The following DNAH12 variants were observed in gnomAD, a reference collection of about 807,000 sequenced individuals.
The protein encoded by DNAH12 is dynein axonemal heavy chain 12.
A neutral mutation model predicts 371.5 loss-of-function variants in DNAH12; 285 were observed. That is an observed-to-expected ratio of 0.77 (90% CI 0.70 to 0.85). The LOEUF is 0.85. DNAH12 is among the 40% of genes least tolerant of loss of function. The pLI, the probability that DNAH12 is intolerant of heterozygous loss-of-function variation, is 0.00. For missense variants in DNAH12, 3,611 were observed against 3,689.4 expected (o/e 0.98, Z 0.55); for synonymous variants, 1,200 against 1,213.0 (o/e 0.99, Z 0.22).
intron 25 of DNAH12, among the ~76,000 whole-genome samples, chr3:57,449,863 G>C (rs566969522): frequency 1.3e-5 from 2 of 152,322 alleles, no homozygotes; most frequent in East Asian, 1.9e-4. Context: ...AGGAGGCGCC[G>C]AGAGCAAGCG....
chr3:57,333,526 T>TCA (rs1470428945), intron 62 of DNAH12, among the ~76,000 whole-genome samples: 2 of 152,048 alleles, frequency 1.3e-5, no homozygotes, highest in Non-Finnish European at 2.9e-5. Flanking sequence ...TGACAGGGTT[T>TCA]CACCATCTTG....
intron 69 of DNAH12, among the ~76,000 whole-genome samples, chr3:57,302,567 A>ATTTTTT (rs71088056): frequency 3.6e-5 from 1 of 27,482 alleles, no homozygotes; most frequent in Non-Finnish European, 6.3e-5. Context: ...ATATATATGT[A>ATTTTTT]TTTTTTTTTT....
In DNAH12 at chr3:57,361,411, T is replaced by TATATATATATAC. The variant is rs2062926300; in HGVS notation, c.9360+2182_9360+2183insGTATATATATAT. 9.7e-4 allele frequency among the ~76,000 whole-genome samples: 136 copies of TATATATATATAC among 139,946 alleles called. 1 individual carries two copies. The highest frequency in any genetic ancestry group is 3.8e-3 in the African/African-American group (131 of 34,556). The allele number at this position is 139,946 out of a possible 152,430, so 91.8% of individuals were successfully genotyped here. On this transcript the variant is annotated intron_variant, in intron 58 of 73. Transcript: ENST00000495027. ...TATATACATACGCACTATATATATA[T>TATATATATATAC]ACACACACACTATATATATATACAC...
At chr3:57,413,283 C>T (rs2064262158) in intron 39 of DNAH12, among the ~76,000 whole-genome samples, 2 of 152,080 alleles carry the variant, frequency 1.3e-5, no homozygotes, top group African/African-American at 2.4e-5. Flanking sequence ...TACAAAGGGG[C>T]TGAAGTTGGG....
chr3:57,367,733 TAAC>T (rs1297732313), intron 56 of DNAH12, among the ~76,000 whole-genome samples: 1 of 152,134 alleles, frequency 6.6e-6, no homozygotes, highest in Non-Finnish European at 1.5e-5. Flanking sequence ...TCACTATTCA[TAAC>T]AACAGACTTT....
intron 37 of DNAH12, among the ~76,000 whole-genome samples, chr3:57,418,831 A>G (rs965222761): frequency 1.5e-4 from 23 of 152,330 alleles, no homozygotes; most frequent in East Asian, 5.8e-4. Context: ...TAAAAGAAAA[A>G]TAACTATTAA....
At chr3:57,523,551 T>C in intron 4 of DNAH12, 32 bp downstream of exon 4, 1 of 1,562,460 alleles carries the variant, frequency 6.4e-7, no homozygotes, top group South Asian at 1.2e-5. Flanking sequence ...TTTGAACATT[T>C]TCAAACAAGA....
In DNAH12 at chr3:57,507,834, T is replaced by C. The variant is rs1559733485; in HGVS notation, c.706A>G (p.Lys236Glu). 1 of 1,569,846 alleles carries C rather than the reference T, an allele frequency of 6.4e-7. No individual in the cohort carries two copies. The highest frequency in any genetic ancestry group is 8.6e-7 in the Non-Finnish European group (1 of 1,168,626). The change falls in exon 8 of 74, where the codon AAA (lysine) becomes GAA (glutamate). Residue 236 changes from lysine to glutamate, a missense_variant. Transcript: ENST00000495027. ...AGTGATTCACAGTCAATTGGACCTT[T>C]AGCTCTATTTATGAGAAAAAGAAAT... is the stretch of plus-strand genomic sequence containing the variant. ...VLLDFTGIRA[K>E]GPIDCESLKT...
In DNAH12 at chr3:57,500,018, C is replaced by A. The variant is rs560136907; in HGVS notation, c.1335+1303G>T. Among the ~76,000 whole-genome samples, 51 of 149,492 alleles carry A rather than the reference C, an allele frequency of 3.4e-4. No individual in the cohort carries two copies. The South Asian group carries it at 0.01, about 29-fold the overall frequency. ...GTAGGAATCTTTTTTCTTTCAATTG[C>A]CTTTTCCCCACTACTATCAGAATTA... is the stretch of plus-strand genomic sequence containing the variant. On this transcript the variant is annotated intron_variant, in intron 11 of 73. Transcript: ENST00000495027.
intron 66 of DNAH12, among the ~76,000 whole-genome samples, chr3:57,313,997 T>G (rs1257659905): frequency 6.6e-6 from 1 of 152,164 alleles, no homozygotes; most frequent in African/African-American, 2.4e-5. Flanking sequence ...TGAGCTTGAC[T>G]CTCCAGCTGT....
intron 11 of DNAH12, among the ~76,000 whole-genome samples, chr3:57,501,080 C>G (rs897473981): frequency 6.6e-6 from 1 of 152,190 alleles, no homozygotes; most frequent in Non-Finnish European, 1.5e-5. Flanking sequence ...CATTCCCACC[C>G]TTTCATTTAT....
intron 29 of DNAH12, among the ~76,000 whole-genome samples, chr3:57,442,282 C>T (rs374957140): frequency 0.016 from 2,387 of 149,258 alleles, 26 homozygotes; most frequent in South Asian, 0.052. Flanking sequence ...GCGTAAGAGG[C>T]TTTTTTTTTT....
chr3:57,551,933 T>C, the DNAH12 span, among the ~76,000 whole-genome samples: 2 of 141,828 alleles, frequency 1.4e-5, no homozygotes, highest in Non-Finnish European at 3.1e-5. Flanking sequence ...GACATTTTAC[T>C]TTTTTTTTTT....
intron 45 of DNAH12, among the ~76,000 whole-genome samples, chr3:57,389,863 G>A (rs2063578631): frequency 9.9e-6 from 1 of 101,078 alleles, no homozygotes; most frequent in African/African-American, 3.1e-5. Flanking sequence ...TTGAAATGGA[G>A]TTTCACTCTG....
chr3:57,446,390 A>C, intron 26 of DNAH12, 120 bp from the exon 27 acceptor site: 1 of 1,426,802 alleles, frequency 7.0e-7, no homozygotes, highest in Non-Finnish European at 9.3e-7. Context: ...TTCCAAGGAT[A>C]AAAACAATGT....
intron 25 of DNAH12, among the ~76,000 whole-genome samples, chr3:57,448,351 C>G (rs12494989): frequency 0.42 from 63,648 of 151,064 alleles, 14,836 homozygotes; most frequent in South Asian, 0.57. Context: ...TGGACTTGTT[C>G]ATTCCTCCTG....
Position 57,340,498 on chromosome 3 carries a change from G to C in DNAH12, c.9675-5558C>G, listed in dbSNP as rs986944663. ...CAGTTGATACTGTGGAAATACAAAA[G>C]ATCATCAGAGACTATTATAAACAAT... On this transcript the variant is annotated intron_variant, in intron 60 of 73. Transcript: ENST00000495027. 1.3e-5 allele frequency among the ~76,000 whole-genome samples: 2 copies of C among 152,032 alleles called. 1 individual carries two copies. Among genetic ancestry groups the C allele is most frequent in the African/African-American group, 4.8e-5 (2 of 41,422 alleles).
chr3:57,323,235 T>C lies in DNAH12; in HGVS notation c.10155A>G (p.Lys3385=). 6.4e-7 allele frequency: 1 copy of C among 1,551,708 alleles called. No homozygotes were observed. Among genetic ancestry groups the C allele is most frequent in the Non-Finnish European group, 8.7e-7 (1 of 1,147,038 alleles). ...CTTGAAACTTATTTCCAGACATAGA[T>C]TTATCATTTGCAAATTTCAGCAGGC... ...MASLLKFAND[K]SMSGNKFQAI... The change falls in exon 64 of 74, where the codon AAA becomes AAG. Residue 3385 remains lysine (K), a synonymous_variant. Transcript: ENST00000495027.
chr3:57,446,317 A>G, intron 26 of DNAH12, 47 bp from the exon 27 acceptor site: 1 of 1,520,420 alleles, frequency 6.6e-7, no homozygotes, highest in Non-Finnish European at 8.8e-7. Context: ...AGGAAAGGAT[A>G]TCATCTCTTA....
Sources: allele counts gnomAD v4.1 joint callset (sites outside exome capture counted in the v4.1 genomes callset), GRCh38; gene constraint gnomAD v4.1.1; transcripts MANE v1.5; gene names NCBI Gene and HGNC (gene_info 2026-07-23, HGNC 2026-07-21).